The following THSD7B variants were observed in gnomAD, a reference collection of about 807,000 sequenced individuals.
The protein encoded by THSD7B is thrombospondin type-1 domain-containing protein 7B.
THSD7B carries 138 observed loss-of-function variants against 213.6 expected under a neutral mutation model. The observed-to-expected ratio is 0.65, with a 90% CI of 0.56 to 0.74. The LOEUF (loss-of-function observed/expected upper bound fraction) is 0.74, where lower values mean the gene tolerates loss of function less well. THSD7B is among the 30% of genes least tolerant of loss of function. The pLI, the probability that THSD7B is intolerant of heterozygous loss-of-function variation, is 0.00. For missense variants in THSD7B, 1,931 were observed against 1,991.5 expected (o/e 0.97, Z 0.58); for synonymous variants, 742 against 687.0 (o/e 1.08, Z -1.25).
chr2:137,447,008 G>T lies in THSD7B; in HGVS notation c.2960-3837G>T, dbSNP rs182042407. On this transcript the variant is annotated intron_variant, in intron 14 of 27. Coordinates refer to ENST00000409968, the MANE Select transcript of THSD7B (RefSeq NM_001316349.2). Reference sequence around the variant, plus strand: ...ACTTATCCATTCGAATATGAGATAGGTATAAGAATATGCAAGTATTAATAT... The same window carrying T: ...ACTTATCCATTCGAATATGAGATAGTTATAAGAATATGCAAGTATTAATAT... Among the ~76,000 whole-genome samples, 11 of 152,190 alleles carry T rather than the reference G, an allele frequency of 7.2e-5. No individual in the cohort carries two copies. In the East Asian group the frequency reaches 1.4e-3, roughly 19 times the overall value.
intron 20 of THSD7B, among the ~76,000 whole-genome samples, chr2:137,626,907 A>G (rs1023448053): frequency 2.6e-5 from 4 of 152,138 alleles, no homozygotes; most frequent in Non-Finnish European, 5.9e-5. Flanking sequence ...CTGAGTACCA[A>G]TTTTCTGTGT....
In THSD7B at chr2:137,676,453, A is replaced by G. The variant is rs950501049; in HGVS notation, c.4740-71A>G. On this transcript the variant is annotated intron_variant, in intron 27 of 27. Coordinates refer to ENST00000409968, the MANE Select transcript of THSD7B (RefSeq NM_001316349.2). ...TTACCGCTTAAATTTCTGTATCTCA[A>G]AATTGTCTTTGGCAGATGAAACAGA... 3.6e-6 allele frequency: 5 copies of G among 1,371,834 alleles called. No homozygotes were observed. The South Asian group carries it at 7.0e-5, about 19-fold the overall frequency. The allele number at this position is 1,371,834 out of a possible 1,614,324, so 85.0% of individuals were successfully genotyped here. A position where few individuals can be genotyped will look rare whatever the true frequency, so the allele number is the denominator to read the frequency against.
intron 21 of THSD7B, among the ~76,000 whole-genome samples, chr2:137,650,251 T>C (rs1573766132): frequency 6.6e-6 from 1 of 152,334 alleles, no homozygotes; most frequent in South Asian, 2.1e-4. Flanking sequence ...CATCTTCAAT[T>C]ACTTTCTTTA....
chr2:136,947,987 C>A (rs554691778), intron 2 of THSD7B, among the ~76,000 whole-genome samples: 1 of 152,174 alleles, frequency 6.6e-6, no homozygotes. Context: ...CCTTTACTCA[C>A]GCCTGATGAA....
intron 1 of THSD7B, among the ~76,000 whole-genome samples, chr2:136,827,358 G>T (rs1419147318): frequency 6.6e-6 from 1 of 152,298 alleles, no homozygotes; most frequent in African/African-American, 2.4e-5. Flanking sequence ...TGAGCTGTTA[G>T]GATATACAGA....
At chr2:137,496,484 C>T (rs893818202) in intron 15 of THSD7B, among the ~76,000 whole-genome samples, 7 of 152,016 alleles carry the variant, frequency 4.6e-5, no homozygotes, top group Non-Finnish European at 7.4e-5. Context: ...GTTTTGTGTG[C>T]ATTTTTTTAG....
intron 17 of THSD7B, among the ~76,000 whole-genome samples, chr2:137,578,355 C>G (rs1043599810): frequency 7.2e-5 from 11 of 152,178 alleles, no homozygotes; most frequent in Non-Finnish European, 1.5e-5. Flanking sequence ...TGAAACTCCC[C>G]AAGTTCAGAC....
Position 137,056,792 on chromosome 2 carries a change from C to G in THSD7B, c.512C>G (p.Ala171Gly), listed in dbSNP as rs775976793. The G allele has an allele frequency of 6.2e-7, 1 of 1,613,968 alleles. No individual in the cohort carries two copies. Among genetic ancestry groups the G allele is most frequent in the Non-Finnish European group, 8.5e-7 (1 of 1,179,882 alleles). ...GCCCTTCAGCCTCCTACAGAACAGG[C>G]TTGCCTCATTCCTTGTCCCCGGGAT... ...HFALQPPTEQ[A>G]CLIPCPRDCV... The change falls in exon 3 of 28, where the codon GCT (alanine) becomes GGT (glycine). Residue 171 changes from alanine to glycine, a missense_variant. Physicochemically the swap from Ala to Gly is moderately conservative, Grantham distance 60. Coordinates refer to ENST00000409968, the MANE Select transcript of THSD7B (RefSeq NM_001316349.2).
At chr2:137,520,565 G>A (rs1680166227) in intron 15 of THSD7B, among the ~76,000 whole-genome samples, 1 of 152,144 alleles carries the variant, frequency 6.6e-6, no homozygotes, top group South Asian at 2.1e-4. Context: ...AGAGAAAGAT[G>A]CCCATAAATG....
At chr2:137,232,444 G>A (rs1162890454) in intron 8 of THSD7B, among the ~76,000 whole-genome samples, 2 of 152,124 alleles carry the variant, frequency 1.3e-5, no homozygotes, top group African/African-American at 4.8e-5. Flanking sequence ...AGTTCTCTTA[G>A]AAAAATAATG....
intron 4 of THSD7B, among the ~76,000 whole-genome samples, chr2:137,104,299 T>C (rs1196674211): frequency 1.3e-5 from 2 of 152,046 alleles, no homozygotes; most frequent in African/African-American, 4.8e-5. Context: ...AATAATGAAA[T>C]TAAGGCTGAA....
chr2:137,342,397 T>A (rs1184432270), intron 12 of THSD7B, among the ~76,000 whole-genome samples: 1 of 2,818 alleles, frequency 3.5e-4, no homozygotes, highest in Non-Finnish European at 7.8e-3. Flanking sequence ...TAACAGGGGT[T>A]TTTTTTTTGG....
chr2:137,408,756 G>A (rs1421704889), intron 13 of THSD7B, among the ~76,000 whole-genome samples: 3 of 152,172 alleles, frequency 2.0e-5, no homozygotes, highest in Non-Finnish European at 2.9e-5. Flanking sequence ...TGCTGTGCAA[G>A]TCCCTGGCTC....
intron 12 of THSD7B, among the ~76,000 whole-genome samples, chr2:137,393,392 T>C (rs1686091322): frequency 6.6e-6 from 1 of 150,926 alleles, no homozygotes; most frequent in African/African-American, 2.4e-5. Context: ...TTCCCACCTA[T>C]GAGTGAGAAT....
intron 1 of THSD7B, among the ~76,000 whole-genome samples, chr2:136,828,516 A>G (rs989641615): frequency 2.0e-5 from 3 of 152,196 alleles, no homozygotes; most frequent in Admixed American, 6.5e-5. Context: ...GTTACCAGAT[A>G]TGTACATCTG....
chr2:137,432,377 G>A (rs975566705), intron 14 of THSD7B, among the ~76,000 whole-genome samples: 1 of 152,056 alleles, frequency 6.6e-6, no homozygotes, highest in Admixed American at 6.5e-5. Flanking sequence ...CCGACAGAGC[G>A]GAACTCTGTC....
chr2:137,331,106 C>T (rs1684495253), intron 12 of THSD7B, among the ~76,000 whole-genome samples: 1 of 149,296 alleles, frequency 6.7e-6, no homozygotes, highest in Non-Finnish European at 1.5e-5. Flanking sequence ...GAGCTAGATA[C>T]AGAGTGCCGA....
intron 12 of THSD7B, among the ~76,000 whole-genome samples, chr2:137,343,032 ATGC>A (rs1200067888): frequency 6.7e-6 from 1 of 148,842 alleles, no homozygotes; most frequent in Non-Finnish European, 1.5e-5. Flanking sequence ...TATCAGGATA[ATGC>A]TGCCACATAA....
Position 137,640,571 on chromosome 2 carries a change from CTTTG to C in THSD7B, c.3800-1905_3800-1902del, listed in dbSNP as rs752053114. ...GCTTTGAATCCTGTTCTGCAACCTA[CTTTG>C]TTTGTTTGTTTTTTTAAACCCAAAC... On this transcript the variant is annotated intron_variant, in intron 20 of 27. Transcript: ENST00000409968. Among the ~76,000 whole-genome samples the C allele has an allele frequency of 3.9e-5, 6 of 152,298 alleles. 1 individual carries two copies. Among genetic ancestry groups the C allele is most frequent in the Middle Eastern group, 6.8e-3 (2 of 294 alleles).
Sources: allele counts gnomAD v4.1 joint callset (sites outside exome capture counted in the v4.1 genomes callset), GRCh38; gene constraint gnomAD v4.1.1; transcripts MANE v1.5; gene names NCBI Gene and HGNC (gene_info 2026-07-23, HGNC 2026-07-21).